The following LYZL4 variants were observed in gnomAD, a reference collection of about 807,000 sequenced individuals.
LYZL4 encodes the protein lysozyme-like protein 4.
Under a neutral mutation model 17.6 loss-of-function variants are expected in LYZL4, and 13 were observed. The observed-to-expected ratio is 0.74, with a 90% CI of 0.48 to 1.18. The LOEUF (loss-of-function observed/expected upper bound fraction) is 1.18. LYZL4 is among the 50% of genes most tolerant of loss of function. LYZL4 has a pLI of 0.00. For synonymous variants in LYZL4, 64 were observed against 67.7 expected (o/e 0.95, Z 0.27); for missense variants, 174 against 188.2 (o/e 0.92, Z 0.44).
At chr3:42,400,914 T>G (rs1360857049) in intron 4 of LYZL4, among the ~76,000 whole-genome samples, 1 of 152,134 alleles carries the variant, frequency 6.6e-6, no homozygotes, top group East Asian at 1.9e-4. Flanking sequence ...TTTCATGCAC[T>G]CCATTGGTTC....
Position 42,410,399 on chromosome 3 carries a change from C to G in LYZL4, c.-93+18G>C, listed in dbSNP as rs1698841201. 2 of 152,210 alleles carry G rather than the reference C, an allele frequency of 1.3e-5. No homozygotes were observed. Among genetic ancestry groups the G allele is most frequent in the African/African-American group, 4.8e-5 (2 of 41,446 alleles). 9.4% of individuals were successfully genotyped at this position (152,210 alleles called of 1,614,324 possible). The stretch of plus-strand genomic sequence containing the variant: ...TTGTCATGCCCGTTACCCTCCTGCC[C>G]ACCATATACCCGCCTACCAGTCCAC... On this transcript the variant is annotated intron_variant, in intron 1 of 4. Transcript: ENST00000287748.
the LYZL4 span, among the ~76,000 whole-genome samples, chr3:42,370,868 C>T: frequency 1.8e-4 from 28 of 152,228 alleles, no homozygotes; most frequent in Admixed American, 1.3e-3. Context: ...ATTGACTATG[C>T]CTCCATCTGA....
At chr3:42,400,301 C>T (rs147557200) in intron 4 of LYZL4, among the ~76,000 whole-genome samples, 1 of 152,142 alleles carries the variant, frequency 6.6e-6, no homozygotes, top group Non-Finnish European at 1.5e-5. Context: ...TTCTACATAA[C>T]CACAGCACAG....
At chr3:42,365,451 G>C in the LYZL4 span, among the ~76,000 whole-genome samples, 1 of 152,090 alleles carries the variant, frequency 6.6e-6, no homozygotes, top group Non-Finnish European at 1.5e-5. Context: ...TGGGCTGAAG[G>C]TTGAACCTAG....
At chr3:42,377,211 T>G in the LYZL4 span, among the ~76,000 whole-genome samples, 2 of 152,106 alleles carry the variant, frequency 1.3e-5, no homozygotes, top group Non-Finnish European at 2.9e-5. Context: ...GAATAGGGTG[T>G]GTGTTGAGCA....
chr3:42,404,622 A>G (rs1698716913), intron 3 of LYZL4, among the ~76,000 whole-genome samples: 1 of 152,180 alleles, frequency 6.6e-6, no homozygotes, highest in South Asian at 2.1e-4. Context: ...AGAAAATTGT[A>G]TGTGTCTCCC....
At chr3:42,407,071 C>A in intron 2 of LYZL4, 42 bp downstream of exon 2, 2 of 1,613,722 alleles carry the variant, frequency 1.2e-6, no homozygotes, top group Non-Finnish European at 1.7e-6. Flanking sequence ...GAAGGGAGGG[C>A]AAGGAGGTGA....
At chr3:42,393,818 G>A (rs1698518921), downstream of LYZL4, among the ~76,000 whole-genome samples, 2 of 152,160 alleles carry the variant, frequency 1.3e-5, no homozygotes, top group Non-Finnish European at 1.5e-5. Flanking sequence ...TTGAGACAGA[G>A]TCTTGCTCTG....
the LYZL4 span, among the ~76,000 whole-genome samples, chr3:42,384,317 G>A: frequency 1.3e-5 from 2 of 152,136 alleles, no homozygotes; most frequent in East Asian, 1.9e-4. Flanking sequence ...CTTGTGGAGG[G>A]CGAATTTCAA....
chr3:42,408,932 A>G (rs1182121518), intron 1 of LYZL4, among the ~76,000 whole-genome samples: 1 of 152,238 alleles, frequency 6.6e-6, no homozygotes, highest in Non-Finnish European at 1.5e-5. Flanking sequence ...CCCCCTGTTG[A>G]GAAATGTCTA....
chr3:42,388,313 T>A, the LYZL4 span, among the ~76,000 whole-genome samples: 1 of 152,210 alleles, frequency 6.6e-6, no homozygotes, highest in East Asian at 1.9e-4. Flanking sequence ...CAAGCACGCC[T>A]GGATTTTATC....
Position 42,408,514 on chromosome 3 carries a change from A to G in LYZL4, c.-92-1171T>C, listed in dbSNP as rs190514130. Among the ~76,000 whole-genome samples the G allele has an allele frequency of 8.4e-4, 128 of 152,294 alleles. 1 individual carries two copies. The highest frequency in any genetic ancestry group is 2.9e-3 in the African/African-American group (120 of 41,552). On this transcript the variant is annotated intron_variant, in intron 1 of 4. Coordinates refer to ENST00000287748, the MANE Select transcript of LYZL4 (RefSeq NM_144634.4). ...TGAATCCTGATGGATCCTCCATAAA[A>G]GTTCCATTTTCCCTCTGAGCCCCTA... is the stretch of plus-strand genomic sequence containing the variant.
At chr3:42,408,274 G>A (rs1698797519) in intron 1 of LYZL4, among the ~76,000 whole-genome samples, 1 of 152,090 alleles carries the variant, frequency 6.6e-6, no homozygotes, top group Non-Finnish European at 1.5e-5. Context: ...CCATGATCTG[G>A]CTTTACCCCA....
chr3:42,375,219 T>G, the LYZL4 span, among the ~76,000 whole-genome samples: 5,202 of 152,298 alleles, frequency 0.034, 313 homozygotes, highest in African/African-American at 0.12. Flanking sequence ...TTCTCTCCTG[T>G]GCTCTTATCC....
intron 4 of LYZL4, among the ~76,000 whole-genome samples, chr3:42,403,457 G>T (rs1278448526): frequency 6.6e-6 from 1 of 151,822 alleles, no homozygotes; most frequent in African/African-American, 2.4e-5. Flanking sequence ...TATTTTTTTA[G>T]TAGAGACGAG....
At chr3:42,380,803 G>C in the LYZL4 span, among the ~76,000 whole-genome samples, 2 of 152,196 alleles carry the variant, frequency 1.3e-5, no homozygotes, top group African/African-American at 4.8e-5. Flanking sequence ...TTCCATGGGG[G>C]AAGTGTGCTT....
At chr3:42,374,941 C>T in the LYZL4 span, among the ~76,000 whole-genome samples, 1 of 152,178 alleles carries the variant, frequency 6.6e-6, no homozygotes, top group Admixed American at 6.5e-5. Flanking sequence ...CCCTGAGTGG[C>T]TGGGACTAAA....
chr3:42,378,691 T>C, the LYZL4 span, among the ~76,000 whole-genome samples: 1 of 152,192 alleles, frequency 6.6e-6, no homozygotes, highest in Non-Finnish European at 1.5e-5. Flanking sequence ...TAAGGTGCAC[T>C]ACCTTGCAGC....
chr3:42,373,575 G>C, the LYZL4 span, among the ~76,000 whole-genome samples: 1 of 152,152 alleles, frequency 6.6e-6, no homozygotes, highest in African/African-American at 2.4e-5. Flanking sequence ...GCAGGTCCTT[G>C]GGGGAGAACC....
Sources: gnomAD v4.1 joint callset for allele counts (sites outside exome capture counted in the v4.1 genomes callset) on GRCh38, gnomAD v4.1.1 for gene constraint, MANE v1.5 for transcripts, NCBI Gene and HGNC (gene_info 2026-07-23, HGNC 2026-07-21) for gene names.